The following ARL8B variants were observed in gnomAD, a reference collection of about 807,000 sequenced individuals.
The protein encoded by ARL8B is ARF like GTPase 8B.
ARL8B carries 9 observed loss-of-function variants against 30.6 expected under a neutral mutation model. That is an observed-to-expected ratio of 0.29 (90% CI 0.18 to 0.51). The LOEUF (loss-of-function observed/expected upper bound fraction) is 0.51, where lower values mean the gene tolerates loss of function less well. Ranked by LOEUF, ARL8B falls within the 20% of genes least tolerant of loss-of-function variation. The pLI is 0.97. For missense variants in ARL8B, 130 were observed against 227.2 expected, an observed-to-expected ratio of 0.57 and a Z score of 2.75; for synonymous variants, 74 against 76.0, an observed-to-expected ratio of 0.97 and a Z score of 0.14.
intron 6 of ARL8B, among the ~76,000 whole-genome samples, chr3:5,176,890 C>T (rs1349839628): frequency 3.3e-5 from 5 of 152,086 alleles, no homozygotes; most frequent in African/African-American, 9.7e-5. Flanking sequence ...TTTTGGTTGT[C>T]ATAACTAGGA....
Position 5,155,427 on chromosome 3 carries a change from T to G in ARL8B, c.124-15076T>G, listed in dbSNP as rs187778303. ...GAGTTTGATGAGCTTCTTGGATGTT[T>G]ATGTTCATGTCTTTCACCAAATTTG... On this transcript the variant is annotated intron_variant, in intron 1 of 6. Coordinates refer to ENST00000256496, the MANE Select transcript of ARL8B (RefSeq NM_018184.3). 1.9e-3 allele frequency among the ~76,000 whole-genome samples: 294 copies of G among 152,318 alleles called. 1 individual carries two copies. Among genetic ancestry groups the G allele is most frequent in the African/African-American group, 6.7e-3 (279 of 41,572 alleles).
intron 1 of ARL8B, among the ~76,000 whole-genome samples, chr3:5,128,095 G>A (rs1314561929): frequency 6.8e-6 from 1 of 146,674 alleles, no homozygotes; most frequent in South Asian, 2.2e-4. Flanking sequence ...CCTGGGAGGC[G>A]GAGGTTGCGT....
In ARL8B at chr3:5,174,039, G is replaced by T; in HGVS notation, c.395G>T (p.Arg132Ile). The T allele has an allele frequency of 1.2e-6, 2 of 1,612,826 alleles. No individual in the cohort carries two copies. The highest frequency in any genetic ancestry group is 1.1e-5 in the South Asian group (1 of 91,028). ...AAGGTGCTAGTGCTTGGAAACAAGA[G>T]AGATCTTCCTAATGCCTTGGATGAG... ...GIPVLVLGNK[R>I]DLPNALDEKQ... Residue 132 changes from arginine to isoleucine, a missense_variant, in exon 5 of 7, where the codon AGA becomes ATA. By Grantham distance (97) the Arg-to-Ile change is moderately conservative. Transcript: ENST00000256496.
Position 5,122,444 on chromosome 3 carries a change from G to C in ARL8B, c.-22G>C, listed in dbSNP as rs1007631644. On this transcript the variant is annotated 5_prime_UTR_variant, in exon 1 of 7. Transcript: ENST00000256496. ...CCGCCGCTCGTCCGTCCTCCCGTCC[G>C]TTCTCGCTCCCGGCCGCCATCATGC... is the stretch of plus-strand genomic sequence containing the variant. 6 of 1,611,832 alleles carry C rather than the reference G, an allele frequency of 3.7e-6. No homozygotes were observed. The highest frequency in any genetic ancestry group is 5.1e-6 in the Non-Finnish European group (6 of 1,179,380).
chr3:5,174,259 A>G (rs1435760172), intron 5 of ARL8B, 85 bp from the exon 6 acceptor site: 5 of 1,155,694 alleles, frequency 4.3e-6, no homozygotes, highest in East Asian at 2.3e-5. Flanking sequence ...CAGTATAGTA[A>G]TAAAACTAAT....
intron 1 of ARL8B, among the ~76,000 whole-genome samples, chr3:5,150,079 G>A (rs143738975): frequency 1.5e-4 from 23 of 152,270 alleles, no homozygotes; most frequent in African/African-American, 5.1e-4. Context: ...TGTTATGAGG[G>A]TAATGCAGGG....
intron 4 of ARL8B, 146 bp downstream of exon 4, chr3:5,172,886 A>T: frequency 1.7e-6 from 1 of 591,870 alleles, no homozygotes. Context: ...TGTATCTGCC[A>T]TATACTGGGC....
intron 1 of ARL8B, among the ~76,000 whole-genome samples, chr3:5,142,974 G>A (rs542753362): frequency 1.3e-5 from 2 of 152,306 alleles, no homozygotes; most frequent in South Asian, 4.1e-4. Flanking sequence ...TACCCACCCC[G>A]TGTTTACTGT....
At chr3:5,155,380 C>T (rs1333236133) in intron 1 of ARL8B, among the ~76,000 whole-genome samples, 1 of 152,084 alleles carries the variant, frequency 6.6e-6, no homozygotes, top group Non-Finnish European at 1.5e-5. Flanking sequence ...TGGTATAGAT[C>T]TCTTTAAGTT....
At chr3:5,172,422 GA>G (rs1414289073) in intron 3 of ARL8B, among the ~76,000 whole-genome samples, 199 bp downstream of exon 3, 2 of 152,100 alleles carry the variant, frequency 1.3e-5, no homozygotes, top group Non-Finnish European at 2.9e-5. Flanking sequence ...TTTGTTTATG[GA>G]GCTAAGAGCT....
chr3:5,149,046 G>C (rs1270153667), intron 1 of ARL8B, among the ~76,000 whole-genome samples: 1 of 152,238 alleles, frequency 6.6e-6, no homozygotes, highest in Non-Finnish European at 1.5e-5. Context: ...GTCTCTGGCT[G>C]TTTGCGTCGC....
chr3:5,138,686 TAGTA>T (rs1026355548), intron 1 of ARL8B, among the ~76,000 whole-genome samples: 95 of 152,338 alleles, frequency 6.2e-4, no homozygotes, highest in African/African-American at 2.2e-3. Context: ...ACCCTGATGA[TAGTA>T]AGTGGAATTT....
chr3:5,122,856 G>C (rs893486215), intron 1 of ARL8B, among the ~76,000 whole-genome samples: 1 of 152,230 alleles, frequency 6.6e-6, no homozygotes, highest in Admixed American at 6.5e-5. Context: ...CGGGGGCTCG[G>C]AAAGAGTTAA....
intron 2 of ARL8B, 104 bp from the exon 3 acceptor site, chr3:5,172,046 A>G: frequency 8.9e-7 from 1 of 1,123,348 alleles, no homozygotes; most frequent in Non-Finnish European, 1.3e-6. Context: ...CTAACATTGT[A>G]GAAATAAATA....
At chr3:5,156,736 G>A (rs756667710) in intron 1 of ARL8B, among the ~76,000 whole-genome samples, 23 of 152,106 alleles carry the variant, frequency 1.5e-4, no homozygotes, top group Non-Finnish European at 2.6e-4. Context: ...TTTCAGGCAT[G>A]CGCCACCACA....
intron 1 of ARL8B, among the ~76,000 whole-genome samples, chr3:5,162,435 T>G (rs536285118): frequency 6.6e-6 from 1 of 152,360 alleles, no homozygotes; most frequent in African/African-American, 2.4e-5. Flanking sequence ...TGAGTCTGTA[T>G]TGTTGTACAT....
intron 1 of ARL8B, among the ~76,000 whole-genome samples, chr3:5,149,318 G>A (rs571572253): frequency 6.6e-6 from 1 of 152,342 alleles, no homozygotes; most frequent in Non-Finnish European, 1.5e-5. Context: ...GACAGAGCAG[G>A]CCACCTAAAT....
At chr3:5,166,686 C>T (rs1029081491) in intron 1 of ARL8B, among the ~76,000 whole-genome samples, 8 of 152,098 alleles carry the variant, frequency 5.3e-5, no homozygotes, top group African/African-American at 1.4e-4. Context: ...GGAGGTTCAC[C>T]GCCTCATGTC....
At chr3:5,151,459 T>C (rs1483985532) in intron 1 of ARL8B, among the ~76,000 whole-genome samples, 1 of 151,992 alleles carries the variant, frequency 6.6e-6, no homozygotes, top group Non-Finnish European at 1.5e-5. Flanking sequence ...ATATAAGCAT[T>C]TGAGTCTATA....
Sources: gnomAD v4.1 joint callset for allele counts (sites outside exome capture counted in the v4.1 genomes callset) on GRCh38, gnomAD v4.1.1 for gene constraint, MANE v1.5 for transcripts, NCBI Gene and HGNC (gene_info 2026-07-23, HGNC 2026-07-21) for gene names.